The following AKAP7 variants were observed in gnomAD, a reference collection of about 807,000 sequenced individuals.
AKAP7 encodes the protein A-kinase anchoring protein 7, also known as A kinase (PRKA) anchor protein 7.
A neutral mutation model predicts 39.5 loss-of-function variants in AKAP7; 39 were observed. That is an observed-to-expected ratio of 0.99 (90% CI 0.76 to 1.29). The LOEUF is 1.29. Among genes scored for constraint, AKAP7 ranks in the 50% most tolerant of loss-of-function variants. The pLI, the probability that AKAP7 is intolerant of heterozygous loss-of-function variation, is 0.00. For missense variants in AKAP7, 414 were observed against 407.7 expected, an observed-to-expected ratio of 1.02 and a Z score of -0.13; for synonymous variants, 140 against 139.1, an observed-to-expected ratio of 1.01 and a Z score of -0.05.
the AKAP7 span, among the ~76,000 whole-genome samples, chr6:131,125,873 C>T: frequency 1.9e-3 from 282 of 152,248 alleles, no homozygotes; most frequent in African/African-American, 6.5e-3. Flanking sequence ...CCCCTTTTCT[C>T]GCTATGTGTT....
chr6:131,250,590 C>T (rs1246516653), intron 7 of AKAP7: 1 of 1,613,896 alleles, frequency 6.2e-7, no homozygotes, highest in African/African-American at 1.3e-5. Flanking sequence ...TGCTGCTTTC[C>T]TTTCTCAAGA....
rs1562852710 is a variant in AKAP7, at chr6:131,135,569, C to T, written c.-195C>T. On this transcript the variant is annotated 5_prime_UTR_variant, in exon 1 of 8. Coordinates refer to ENST00000431975, the MANE Select transcript of AKAP7 (RefSeq NM_016377.4). Reference sequence around the variant, plus strand: ...GCGGGGGCTGCGGCTTGGGAAGCTCCGCGCTTCCGCAGGCCTGGCCTCCGC... The same window carrying T: ...GCGGGGGCTGCGGCTTGGGAAGCTCTGCGCTTCCGCAGGCCTGGCCTCCGC... 3.6e-6 allele frequency: 1 copy of T among 277,940 alleles called. No individual in the cohort carries two copies. 17.2% of individuals were successfully genotyped at this position (277,940 alleles called of 1,614,324 possible).
intron 6 of AKAP7, among the ~76,000 whole-genome samples, chr6:131,207,413 G>T (rs1188481509): frequency 1.3e-5 from 2 of 149,460 alleles, no homozygotes; most frequent in Admixed American, 6.7e-5. Context: ...TCCAAATCCT[G>T]GGCTCAAATG....
At chr6:131,230,002 C>A (rs1007450707) in intron 7 of AKAP7, among the ~76,000 whole-genome samples, 1 of 152,020 alleles carries the variant, frequency 6.6e-6, no homozygotes, top group Non-Finnish European at 1.5e-5. Flanking sequence ...TTGATGTGTA[C>A]CTAGGTTGAT....
intron 7 of AKAP7, among the ~76,000 whole-genome samples, chr6:131,247,305 A>T (rs1195154275): frequency 1.3e-4 from 6 of 47,854 alleles, no homozygotes; most frequent in South Asian, 5.4e-4. Flanking sequence ...ATATATATAT[A>T]TATATATATG....
chr6:131,231,870 A>C (rs887608931), intron 7 of AKAP7, among the ~76,000 whole-genome samples: 1 of 152,202 alleles, frequency 6.6e-6, no homozygotes, highest in Non-Finnish European at 1.5e-5. Context: ...TTGATGAAAC[A>C]TGCCTTCTAA....
intron 5 of AKAP7, among the ~76,000 whole-genome samples, chr6:131,187,692 A>G (rs749571255): frequency 5.3e-5 from 8 of 152,208 alleles, no homozygotes; most frequent in Non-Finnish European, 1.0e-4. Flanking sequence ...CAATAAATAT[A>G]TTTTAATACA....
chr6:131,163,425 C>G (rs1803182868), intron 3 of AKAP7, among the ~76,000 whole-genome samples: 1 of 152,162 alleles, frequency 6.6e-6, no homozygotes, highest in African/African-American at 2.4e-5. Context: ...AAAGAATTAG[C>G]ATTTATAACA....
intron 7 of AKAP7, chr6:131,252,987 T>G: frequency 1.0e-5 from 16 of 1,588,498 alleles, no homozygotes; most frequent in Non-Finnish European, 1.2e-5. Context: ...GAGAATTTGA[T>G]GAGTTTTTGG....
At chr6:131,255,067 A>G (rs565870095) in intron 7 of AKAP7, among the ~76,000 whole-genome samples, 6 of 152,150 alleles carry the variant, frequency 3.9e-5, no homozygotes, top group African/African-American at 1.4e-4. Context: ...CCAATTACCT[A>G]GAAGTCATCC....
chr6:131,243,999 CT>C (rs34699635), intron 7 of AKAP7, among the ~76,000 whole-genome samples: 1,709 of 143,116 alleles, frequency 0.012, 14 homozygotes, highest in Admixed American at 0.036. Flanking sequence ...TTTGCTTTTC[CT>C]TTTTTTTTTT....
At chr6:131,187,571 T>C (rs1163474401) in intron 5 of AKAP7, among the ~76,000 whole-genome samples, 1 of 152,172 alleles carries the variant, frequency 6.6e-6, no homozygotes, top group Non-Finnish European at 1.5e-5. Flanking sequence ...GTAGAAACTA[T>C]AACAAGTTAG....
intron 6 of AKAP7, among the ~76,000 whole-genome samples, chr6:131,200,578 G>A (rs1807457790): frequency 6.6e-6 from 1 of 151,974 alleles, no homozygotes; most frequent in South Asian, 2.1e-4. Context: ...TTTAAATCAT[G>A]GGTTTGGGTG....
chr6:131,224,100 A>G (rs1171612661), intron 7 of AKAP7, among the ~76,000 whole-genome samples: 8 of 152,162 alleles, frequency 5.3e-5, no homozygotes, highest in African/African-American at 1.9e-4. Flanking sequence ...TTTGCTTATT[A>G]CAAATGCTTT....
At position 131,235,153 on chromosome 6, in the gene AKAP7, C is replaced by T. The variant is rs889768576; in HGVS notation, c.850+15345C>T. Among the ~76,000 whole-genome samples the T allele has an allele frequency of 4.6e-5, 7 of 152,080 alleles. No individual in the cohort carries two copies. The South Asian group carries it at 1.2e-3, about 27-fold the overall frequency. On this transcript the variant is annotated intron_variant, in intron 7 of 7. Transcript: ENST00000431975. ...ATTCCCACCTATGAATGAGAACCTGCGGTGTTTGGTTTTTTGTCCTTGCGA... is the reference window on the plus strand; with the variant it reads ...ATTCCCACCTATGAATGAGAACCTGTGGTGTTTGGTTTTTTGTCCTTGCGA...
In AKAP7 at chr6:131,135,672, G is replaced by A; in HGVS notation, c.-92G>A. The stretch of plus-strand genomic sequence containing the variant: ...CCCTCAGGCCCCGAGCCCCGCCCTG[G>A]CCTCCGCCTCGGCCTCGCCTCCAGC... On this transcript the variant is annotated 5_prime_UTR_variant, in exon 1 of 8. Transcript: ENST00000431975. 1 of 1,074,162 alleles carries A rather than the reference G, an allele frequency of 9.3e-7. No homozygotes were observed. The highest frequency in any genetic ancestry group is 1.1e-6 in the Non-Finnish European group (1 of 885,014). The allele number at this position is 1,074,162 out of a possible 1,614,324, so 66.5% of individuals were successfully genotyped here. A position where few individuals can be genotyped will look rare whatever the true frequency, so the allele number is the denominator to read the frequency against.
chr6:131,251,429 A>G (rs1022524349), intron 7 of AKAP7, among the ~76,000 whole-genome samples: 14 of 152,250 alleles, frequency 9.2e-5, no homozygotes, highest in South Asian at 6.2e-4. Flanking sequence ...TAAATTTGCA[A>G]CCACATTTGT....
chr6:131,160,253 AC>A (rs2128237894), intron 3 of AKAP7, 55 bp downstream of exon 3: 6 of 1,467,120 alleles, frequency 4.1e-6, no homozygotes, highest in Admixed American at 2.2e-5. Context: ...AATTTAAAGT[AC>A]AACTAAATGC....
Position 131,239,420 on chromosome 6 carries a change from G to A in AKAP7, c.850+19612G>A, listed in dbSNP as rs147314635. Among the ~76,000 whole-genome samples, 852 of 152,140 alleles carry A rather than the reference G, an allele frequency of 5.6e-3. 8 individuals carry two copies. The highest frequency in any genetic ancestry group is 0.02 in the African/African-American group (812 of 41,502). ...TCTTCTCGAGGAGTATCTTTTTGGC[G>A]TTCTCTGTATTTCCTGAATTTGAAT... On this transcript the variant is annotated intron_variant, in intron 7 of 7. Coordinates refer to ENST00000431975, the MANE Select transcript of AKAP7 (RefSeq NM_016377.4).
Sources: gnomAD v4.1 joint callset for allele counts (sites outside exome capture counted in the v4.1 genomes callset) on GRCh38, gnomAD v4.1.1 for gene constraint, MANE v1.5 for transcripts, NCBI Gene and HGNC (gene_info 2026-07-23, HGNC 2026-07-21) for gene names.